Variants in SPOCK1 observed in about 807,000 individuals in gnomAD.
The protein encoded by SPOCK1 is SPARC (osteonectin), cwcv and kazal like domains proteoglycan 1.
Under a neutral mutation model 55.3 loss-of-function variants are expected in SPOCK1, and 23 were observed. That is an observed-to-expected ratio of 0.42 (90% CI 0.30 to 0.59). SPOCK1 has a LOEUF of 0.59. Ranked by LOEUF, SPOCK1 falls within the 20% of genes least tolerant of loss-of-function variation. SPOCK1 has a pLI of 0.22. For missense variants in SPOCK1, 499 were observed against 552.5 expected, an observed-to-expected ratio of 0.90 and a Z score of 0.97; for synonymous variants, 226 against 221.0, an observed-to-expected ratio of 1.02 and a Z score of -0.20.
intron 6 of SPOCK1, among the ~76,000 whole-genome samples, chr5:137,008,137 CG>C (rs1751285459): frequency 3.0e-5 from 1 of 33,424 alleles, no homozygotes; most frequent in South Asian, 9.7e-4. Context: ...TGGGGCCTGT[CG>C]GGGGGTGGGG....
chr5:137,219,783 C>A (rs750042094), intron 3 of SPOCK1, among the ~76,000 whole-genome samples: 2 of 152,282 alleles, frequency 1.3e-5, no homozygotes, highest in African/African-American at 2.4e-5. Flanking sequence ...CCTGGCTGGG[C>A]CCCTAGTCTA....
chr5:137,160,514 T>C (rs867370389), intron 3 of SPOCK1, among the ~76,000 whole-genome samples: 25 of 74,652 alleles, frequency 3.3e-4, no homozygotes, highest in Admixed American at 8.3e-4. Flanking sequence ...TATATACACA[T>C]ATATATATAA....
chr5:137,256,978 C>T (rs931650679), intron 3 of SPOCK1, among the ~76,000 whole-genome samples: 11 of 152,126 alleles, frequency 7.2e-5, no homozygotes, highest in African/African-American at 2.2e-4. Flanking sequence ...TTGAGCAATC[C>T]GTAGTCCTTA....
intron 7 of SPOCK1, among the ~76,000 whole-genome samples, chr5:136,991,875 G>A (rs922698777): frequency 3.9e-5 from 6 of 152,268 alleles, no homozygotes; most frequent in Non-Finnish European, 7.4e-5. Flanking sequence ...TGATGCTGGC[G>A]GGAGGCTCCT....
chr5:137,120,258 C>A (rs1411775839), intron 4 of SPOCK1, among the ~76,000 whole-genome samples: 1 of 152,176 alleles, frequency 6.6e-6, no homozygotes, highest in Non-Finnish European at 1.5e-5. Flanking sequence ...CATCCCAGGG[C>A]ATGCTTTCCA....
intron 4 of SPOCK1, among the ~76,000 whole-genome samples, chr5:137,136,650 G>T (rs1236275609): frequency 6.6e-6 from 1 of 152,030 alleles, no homozygotes; most frequent in South Asian, 2.1e-4. Context: ...TACTTTTAAT[G>T]TTTTCTATAA....
chr5:137,410,364 G>T (rs1050743063), intron 2 of SPOCK1, among the ~76,000 whole-genome samples: 10 of 152,208 alleles, frequency 6.6e-5, no homozygotes, highest in Admixed American at 3.9e-4. Flanking sequence ...TGATCAAGAT[G>T]TTAAGGGGAA....
chr5:137,313,357 A>G, intron 2 of SPOCK1: 3 of 953,280 alleles, frequency 3.1e-6, no homozygotes, highest in Non-Finnish European at 3.7e-6. Flanking sequence ...GAAGAGCCAG[A>G]CATTGACAGG....
intron 2 of SPOCK1, among the ~76,000 whole-genome samples, chr5:137,386,867 A>C (rs907686111): frequency 2.0e-5 from 3 of 152,226 alleles, no homozygotes; most frequent in Non-Finnish European, 4.4e-5. Flanking sequence ...GAAAATTAAA[A>C]GACAAGCCAC....
At chr5:136,985,577 A>G (rs1473711642) in intron 8 of SPOCK1, among the ~76,000 whole-genome samples, 1 of 152,112 alleles carries the variant, frequency 6.6e-6, no homozygotes, top group Non-Finnish European at 1.5e-5. Context: ...AGACGAACTA[A>G]CCAGAGGTGA....
intron 2 of SPOCK1, among the ~76,000 whole-genome samples, chr5:137,283,437 G>C (rs1661079302): frequency 6.6e-6 from 1 of 152,234 alleles, no homozygotes; most frequent in African/African-American, 2.4e-5. Flanking sequence ...GCAGAGACCA[G>C]GCGCAGTGGC....
intron 6 of SPOCK1, among the ~76,000 whole-genome samples, chr5:136,997,558 GAC>G (rs1259610391): frequency 6.6e-6 from 1 of 152,150 alleles, no homozygotes; most frequent in Non-Finnish European, 1.5e-5. Context: ...TGGCCTGCAG[GAC>G]ACACTCACTG....
intron 2 of SPOCK1, among the ~76,000 whole-genome samples, chr5:137,391,135 A>G (rs1341686609): frequency 2.6e-5 from 4 of 151,966 alleles, no homozygotes; most frequent in Non-Finnish European, 4.4e-5. Context: ...CCCACTTATG[A>G]GCGAGAACAC....
intron 3 of SPOCK1, among the ~76,000 whole-genome samples, chr5:137,227,111 GAAGTTCA>G (rs1755961424): frequency 6.6e-6 from 1 of 152,182 alleles, no homozygotes; most frequent in African/African-American, 2.4e-5. Flanking sequence ...TGCAAGAAAT[GAAGTTCA>G]AAGCATGCAG....
intron 2 of SPOCK1, among the ~76,000 whole-genome samples, chr5:137,461,132 T>C (rs1753481524): frequency 6.6e-6 from 1 of 152,232 alleles, no homozygotes; most frequent in Non-Finnish European, 1.5e-5. Flanking sequence ...TGCTCAAGTC[T>C]GTCTCTCCAG....
intron 2 of SPOCK1, among the ~76,000 whole-genome samples, chr5:137,268,241 T>C (rs955160325): frequency 6.6e-6 from 1 of 152,170 alleles, no homozygotes; most frequent in African/African-American, 2.4e-5. Flanking sequence ...TAGAGTAAAA[T>C]CAGAACATAT....
At chr5:137,059,074 A>G (rs1446190270) in intron 6 of SPOCK1, among the ~76,000 whole-genome samples, 1 of 152,252 alleles carries the variant, frequency 6.6e-6, no homozygotes, top group Non-Finnish European at 1.5e-5. Context: ...ATGTGCAAAA[A>G]AAAGAAGGTA....
At chr5:137,346,957 C>A (rs145576372) in intron 2 of SPOCK1, among the ~76,000 whole-genome samples, 1 of 152,166 alleles carries the variant, frequency 6.6e-6, no homozygotes, top group Non-Finnish European at 1.5e-5. Context: ...TACCAGCCAA[C>A]GGCACCTCCT....
chr5:137,054,531 C>T (rs370550557), intron 6 of SPOCK1, among the ~76,000 whole-genome samples: 23 of 152,310 alleles, frequency 1.5e-4, no homozygotes, highest in African/African-American at 5.3e-4. Flanking sequence ...CCCTTAGCTG[C>T]TGCTCATGGG....
Sources: gnomAD v4.1 joint callset for allele counts (sites outside exome capture counted in the v4.1 genomes callset) on GRCh38, gnomAD v4.1.1 for gene constraint, MANE v1.5 for transcripts, NCBI Gene and HGNC (gene_info 2026-07-23, HGNC 2026-07-21) for gene names.